F8: variants seen among roughly 807,000 people sequenced by gnomAD.
F8 encodes antihemophilic factor.
A neutral mutation model predicts 140.6 loss-of-function variants in F8; 12 were observed. The observed-to-expected ratio is 0.09, with a 90% CI of 0.05 to 0.14. The LOEUF (loss-of-function observed/expected upper bound fraction) is 0.14, where lower values mean the gene tolerates loss of function less well. Among genes scored for constraint, F8 ranks in the 10% least tolerant of loss-of-function variants. The pLI is 1.00. For synonymous variants in F8, 585 were observed against 614.6 expected, an observed-to-expected ratio of 0.95 and a Z score of 0.71; for missense variants, 1,354 against 1,720.7, an observed-to-expected ratio of 0.79 and a Z score of 3.77.
chrX:154,930,421 T>C lies in F8; in HGVS notation c.3369A>G (p.Glu1123=). The C allele has an allele frequency of 8.3e-7, 1 of 1,211,747 alleles. No individual in the cohort carries two copies. The highest frequency in any genetic ancestry group is 1.1e-6 in the Non-Finnish European group (1 of 895,365). ...GAGTCCTTTGTATCCACCTTGCTGA[T>C]TCTGGCAAGAATAGCATCTTAAAGA... ...MSFFKMLFLP[E]SARWIQRTHG... The change falls in exon 14 of 26, where the codon GAA becomes GAG. Residue 1123 remains glutamate, a synonymous_variant. Transcript: ENST00000360256.
At position 154,835,878 on chromosome X, in the gene F8, T is replaced by C. The variant is rs2072471399; in HGVS notation, c.*1719A>G. 1 of 112,083 alleles carries C rather than the reference T, an allele frequency of 8.9e-6. No homozygotes were observed. Among genetic ancestry groups the C allele is most frequent in the Non-Finnish European group, 1.9e-5 (1 of 53,225 alleles). The allele number at this position is 112,083 out of a possible 1,213,427, so 9.2% of individuals were successfully genotyped here. A position where few individuals can be genotyped will look rare whatever the true frequency, so the allele number is the denominator to read the frequency against. On this transcript the variant is annotated 3_prime_UTR_variant, in exon 26 of 26. Coordinates refer to ENST00000360256, the MANE Select transcript of F8 (RefSeq NM_000132.4). ...GCTAGTTCCATGAACATTTGAGAAA[T>C]AGAGATGTATATAGTCAATGGGAAA...
chrX:154,947,041 C>T (rs886472985), intron 13 of F8, among the ~76,000 whole-genome samples: 2 of 108,853 alleles, frequency 1.8e-5, no homozygotes, highest in Admixed American at 9.8e-5. Context: ...CTGGCTAACA[C>T]GGTGAAACCC....
chrX:154,904,534 G>A lies in F8; in HGVS notation c.5587-10C>T. 1 of 1,175,408 alleles carries A rather than the reference G, an allele frequency of 8.5e-7. No individual in the cohort carries two copies. The highest frequency in any genetic ancestry group is 1.2e-6 in the Non-Finnish European group (1 of 862,714). ...AGTGCACATCTTTTTCCTAGGGAGG[G>A]AAGACATCAATCCTATGAGTATAAG... On this transcript the variant is annotated splice_polypyrimidine_tract_variant and intron_variant, in intron 16 of 25. Transcript: ENST00000360256.
At chrX:154,966,886 G>A (rs905150145) in intron 7 of F8, among the ~76,000 whole-genome samples, 199 bp from the exon 8 acceptor site, 2 of 109,689 alleles carry the variant, frequency 1.8e-5, no homozygotes, top group Non-Finnish European at 3.8e-5. Flanking sequence ...GGTGAAGGGG[G>A]AGGAGACATG....
chrX:154,930,891 A>G lies in F8; in HGVS notation c.2899T>C (p.Leu967=). The change falls in exon 14 of 26, where the codon TTA becomes CTA. Residue 967 remains leucine, a synonymous_variant. Transcript: ENST00000360256. The part of the protein sequence containing the change: ...LSEENNDSKL[L]ESGLMNSQES... ...TGGCTATTCATTAAACCTGATTCTAACAACTTTGAATCATTATTTTCTTCA... is the reference window on the plus strand; with the variant it reads ...TGGCTATTCATTAAACCTGATTCTAGCAACTTTGAATCATTATTTTCTTCA... 1 of 1,203,560 alleles carries G rather than the reference A, an allele frequency of 8.3e-7. No homozygotes were observed. The highest frequency in any genetic ancestry group is 1.1e-6 in the Non-Finnish European group (1 of 892,332).
intron 14 of F8, 83 bp from the exon 15 acceptor site, chrX:154,906,656 C>T (rs1557276391): frequency 1.1e-6 from 1 of 931,432 alleles, no homozygotes; most frequent in Admixed American, 2.3e-5. Flanking sequence ...TTCCTAGGTG[C>T]CTGAGAAGCA....
At chrX:154,979,728 G>T (rs2073507610) in intron 6 of F8, among the ~76,000 whole-genome samples, 1 of 111,897 alleles carries the variant, frequency 8.9e-6, no homozygotes, top group South Asian at 3.7e-4. Context: ...GGTGGGGCAG[G>T]ATCACTGCTC....
intron 13 of F8, among the ~76,000 whole-genome samples, chrX:154,946,825 C>T (rs1448505319): frequency 2.7e-5 from 3 of 111,304 alleles, no homozygotes; most frequent in Admixed American, 1.9e-4. Flanking sequence ...AACTATACAA[C>T]TGAGAGGGCA....
rs374637881 is a variant in F8, at chrX:154,905,027, T to G, written c.5374-4A>C. 6.0e-6 allele frequency: 7 copies of G among 1,173,389 alleles called. No homozygotes were observed. Among genetic ancestry groups the G allele is most frequent in the Non-Finnish European group, 8.1e-6 (7 of 862,920 alleles). On this transcript the variant is annotated splice_region_variant and splice_polypyrimidine_tract_variant and intron_variant, in intron 15 of 25. Coordinates refer to ENST00000360256, the MANE Select transcript of F8 (RefSeq NM_000132.4). ...AGGCCTGATTTCTGAAAGTTACCTGTAGAACAATAACGACAAAAAAAAAAA... is the reference window on the plus strand; with the variant it reads ...AGGCCTGATTTCTGAAAGTTACCTGGAGAACAATAACGACAAAAAAAAAAA...
Position 154,929,691 on chromosome X carries a change from T to A in F8, c.4099A>T (p.Thr1367Ser), listed in dbSNP as rs781812149. 16 of 1,207,027 alleles carry A rather than the reference T, an allele frequency of 1.3e-5. No homozygotes were observed. In the South Asian group the frequency reaches 2.8e-4, roughly 21 times the overall value. ...TCTATCTGTGTGAGGGTGCTCGGGG[T>A]CAAATGTTTCATGTTTTTGGACCAC... Reference protein sequence around the residue: ...TQWSKNMKHLTPSTLTQIDYN... With the variant: ...TQWSKNMKHLSPSTLTQIDYN... The change falls in exon 14 of 26, where the codon ACC (threonine) becomes TCC (serine). Residue 1367 changes from threonine (T) to serine (S), a missense_variant. Thr to Ser is a moderately conservative substitution (Grantham distance 58). Coordinates refer to ENST00000360256, the MANE Select transcript of F8 (RefSeq NM_000132.4).
At position 154,953,924 on chromosome X, in the gene F8, T is replaced by A. The variant is rs1557280938; in HGVS notation, c.1871A>T (p.Asp624Val). Residue 624 changes from aspartate to valine, a missense_variant, in exon 12 of 26, where the codon GAT becomes GTT. By Grantham distance (152) the Asp-to-Val change is radical. Coordinates refer to ENST00000360256, the MANE Select transcript of F8 (RefSeq NM_000132.4). ...LPNPAGVQLEDPEFQASNIMH... is the reference protein window; with the variant it reads ...LPNPAGVQLEVPEFQASNIMH... The stretch of plus-strand genomic sequence containing the variant: ...GATGTTGGAGGCTTGGAACTCTGGA[T>A]CCTCAAGCTGCACTCCAGCTGGATT... 8.3e-7 allele frequency: 1 copy of A among 1,211,990 alleles called. No individual in the cohort carries two copies. Among genetic ancestry groups the A allele is most frequent in the Non-Finnish European group, 1.1e-6 (1 of 895,564 alleles).
intron 13 of F8, among the ~76,000 whole-genome samples, chrX:154,943,945 C>T (rs1187817122): frequency 9.0e-6 from 1 of 111,633 alleles, no homozygotes; most frequent in Non-Finnish European, 1.9e-5. Flanking sequence ...ATAAATGGTG[C>T]TGGGAAAACT....
intron 9 of F8, among the ~76,000 whole-genome samples, chrX:154,964,399 T>C (rs1173813112): frequency 9.0e-6 from 1 of 110,597 alleles, no homozygotes; most frequent in Non-Finnish European, 1.9e-5. Flanking sequence ...TACACAAAAT[T>C]TATGAAGAAA....
chrX:154,856,403 C>T (rs1265962893), intron 25 of F8, among the ~76,000 whole-genome samples: 2 of 112,211 alleles, frequency 1.8e-5, no homozygotes, highest in Admixed American at 9.5e-5. Context: ...CACTCAACTG[C>T]CAAAGGCAAG....
chrX:154,901,438 A>G lies in F8; in HGVS notation c.6120T>C (p.Cys2040=). 2 of 1,176,576 alleles carry G rather than the reference A, an allele frequency of 1.7e-6. No individual in the cohort carries two copies. Among genetic ancestry groups the G allele is most frequent in the Non-Finnish European group, 2.3e-6 (2 of 863,134 alleles). ...STLFLVYSNK[C]QTPLGMASGH... ...CAGAAGCCATTCCCAGGGGAGTCTG[A>G]CACTCTGAAATGAAACGGGTGGAAC... The change falls in exon 20 of 26, where the codon TGT becomes TGC. Residue 2040 remains cysteine (C), a synonymous_variant. Coordinates refer to ENST00000360256, the MANE Select transcript of F8 (RefSeq NM_000132.4).
At chrX:154,979,477 G>A (rs1247824331) in intron 6 of F8, among the ~76,000 whole-genome samples, 1 of 111,320 alleles carries the variant, frequency 9.0e-6, no homozygotes, top group African/African-American at 3.3e-5. Flanking sequence ...GTGCTATGCA[G>A]GGGTGGGGTG....
chrX:154,901,787 C>T (rs1410153225), intron 19 of F8, among the ~76,000 whole-genome samples: 4 of 111,148 alleles, frequency 3.6e-5, no homozygotes, highest in African/African-American at 6.5e-5. Context: ...TGGAGATCTT[C>T]GAGCTTTACC....
At chrX:154,985,435 C>CA (rs1444629615) in intron 5 of F8, among the ~76,000 whole-genome samples, 94 of 101,318 alleles carry the variant, frequency 9.3e-4, no homozygotes, top group African/African-American at 2.5e-3. Flanking sequence ...GACTCGATCT[C>CA]AAAAAAAAAA....
chrX:154,871,678 A>G (rs1557273586), intron 22 of F8, among the ~76,000 whole-genome samples: 1 of 112,323 alleles, frequency 8.9e-6, no homozygotes, highest in African/African-American at 3.2e-5. Context: ...AATGGCAACA[A>G]AAGCCAAAAT....
Sources: allele counts gnomAD v4.1 joint callset (sites outside exome capture counted in the v4.1 genomes callset), GRCh38; gene constraint gnomAD v4.1.1; transcripts MANE v1.5; gene names NCBI Gene and HGNC (gene_info 2026-07-23, HGNC 2026-07-21).